IQSEC1: variants seen among roughly 807,000 people sequenced by gnomAD.
IQSEC1 encodes the protein IQ motif and Sec7 domain ArfGEF 1.
IQSEC1 carries 31 observed loss-of-function variants against 91.0 expected under a neutral mutation model. That is an observed-to-expected ratio of 0.34 (90% CI 0.26 to 0.46). The LOEUF is 0.46. IQSEC1 is among the 20% of genes least tolerant of loss of function. The pLI is 1.00. For synonymous variants in IQSEC1, 699 were observed against 662.6 expected (o/e 1.05, Z -0.84); for missense variants, 1,388 against 1,575.6 (o/e 0.88, Z 2.02).
intron 1 of IQSEC1, among the ~76,000 whole-genome samples, chr3:13,224,615 C>A (rs940590248): frequency 6.6e-6 from 1 of 152,254 alleles, no homozygotes; most frequent in East Asian, 1.9e-4. Context: ...TTCGACTTGA[C>A]GTTCAGTGCC....
intron 2 of IQSEC1, among the ~76,000 whole-genome samples, chr3:13,147,324 C>G (rs1321403814): frequency 6.7e-6 from 1 of 149,894 alleles, no homozygotes; most frequent in African/African-American, 2.5e-5. Flanking sequence ...CTCCCACCCT[C>G]CCTCTTCTGA....
intron 1 of IQSEC1, among the ~76,000 whole-genome samples, chr3:13,263,600 G>A (rs1290817147): frequency 1.9e-4 from 29 of 152,012 alleles, no homozygotes; most frequent in Admixed American, 1.3e-4. Context: ...GCGCCACCAC[G>A]CCCGACTAAT....
In IQSEC1 at chr3:12,909,912, C is replaced by T. The variant is rs777435832; in HGVS notation, c.2417-478G>A. Among the ~76,000 whole-genome samples, 5 of 152,198 alleles carry T rather than the reference C, an allele frequency of 3.3e-5. No homozygotes were observed. Among genetic ancestry groups the T allele is most frequent in the Admixed American group, 6.5e-5 (1 of 15,278 alleles). ...GGTCCCTGGGGCTTTGGTCTCCTGG[C>T]GGTGCTGCTCCGGCAGTGGGAGTCA... On this transcript the variant is annotated intron_variant, in intron 10 of 13. Coordinates refer to ENST00000613206, the MANE Select transcript of IQSEC1 (RefSeq NM_001134382.3). This position sits in a 1 kb window ranked among gnomAD's most constrained non-coding sequence, Gnocchi z 4.9.
intron 1 of IQSEC1, among the ~76,000 whole-genome samples, chr3:13,218,766 A>G (rs1230918563): frequency 6.6e-6 from 1 of 152,144 alleles, no homozygotes; most frequent in Non-Finnish European, 1.5e-5. Flanking sequence ...GGAGCCATTG[A>G]ACATTCTTGA....
At chr3:12,961,173 A>C (rs1700218755) in intron 1 of IQSEC1, among the ~76,000 whole-genome samples, 1 of 152,228 alleles carries the variant, frequency 6.6e-6, no homozygotes, top group South Asian at 2.1e-4. Context: ...CCCAGGTACC[A>C]CCAGGAAGCC....
At chr3:13,022,599 G>A (rs1025913282) in intron 1 of IQSEC1, 4 of 293,712 alleles carry the variant, frequency 1.4e-5, no homozygotes, top group East Asian at 3.5e-4. Context: ...AGAGGGAGGC[G>A]GGCGGGGAGG....
At chr3:13,229,908 T>C (rs4034195) in intron 1 of IQSEC1, among the ~76,000 whole-genome samples, 6 of 152,322 alleles carry the variant, frequency 3.9e-5, no homozygotes, top group South Asian at 4.1e-4. Flanking sequence ...AGAATAAAAA[T>C]AGCACTTATT....
intron 2 of IQSEC1, among the ~76,000 whole-genome samples, chr3:13,122,584 G>A (rs1300903050): frequency 6.6e-6 from 1 of 152,142 alleles, no homozygotes. Context: ...AGTGAGGTAG[G>A]GGCAGTGTGT....
Position 12,935,979 on chromosome 3 carries a change from C to T in IQSEC1, c.1037G>A (p.Arg346Gln), listed in dbSNP as rs202190518. Residue 346 changes from arginine (R) to glutamine (Q), a missense_variant, in exon 3 of 14, where the codon CGG becomes CAG. Arg to Gln is a conservative substitution (Grantham distance 43). Around this residue, in one of 2 missense-constraint regions of IQSEC1, gnomAD observed 1,059 missense variants for 1,317.8 expected, o/e 0.80. Coordinates refer to ENST00000613206, the MANE Select transcript of IQSEC1 (RefSeq NM_001134382.3). The surrounding 1 kb of genome is among the most constrained non-coding windows in gnomAD (Gnocchi z 8.0). The part of the protein sequence containing the change: ...EDKADTDTSC[R>Q]STPSLERQEQ... Reference sequence around the variant, plus strand: ...CTGCCGCTCCAGCGACGGCGTGCTCCGGCAGCTCGTGTCCGTGTCAGCCTT... The same window carrying T: ...CTGCCGCTCCAGCGACGGCGTGCTCTGGCAGCTCGTGTCCGTGTCAGCCTT... 292 of 1,599,372 alleles carry T rather than the reference C, an allele frequency of 1.8e-4. No homozygotes were observed. In the Admixed American group the frequency reaches 2.9e-3, roughly 16 times the overall value.
At chr3:13,177,673 T>A (rs545479146) in intron 1 of IQSEC1, among the ~76,000 whole-genome samples, 2 of 152,078 alleles carry the variant, frequency 1.3e-5, no homozygotes, top group African/African-American at 4.8e-5. Context: ...CTGATGTGGG[T>A]CCCCCGCCGG....
intron 1 of IQSEC1, among the ~76,000 whole-genome samples, chr3:12,986,618 T>G (rs1196290966): frequency 6.6e-6 from 1 of 152,162 alleles, no homozygotes; most frequent in African/African-American, 2.4e-5. Context: ...GGTCCTCTAC[T>G]GGCTGCGTCC....
At chr3:13,220,163 A>G (rs528910036) in intron 1 of IQSEC1, among the ~76,000 whole-genome samples, 1 of 152,224 alleles carries the variant, frequency 6.6e-6, no homozygotes, top group Non-Finnish European at 1.5e-5. Context: ...TGCAAACTCA[A>G]CTGCCTCCTG....
intron 1 of IQSEC1, among the ~76,000 whole-genome samples, chr3:13,208,292 A>G (rs1694379789): frequency 6.6e-6 from 1 of 151,786 alleles, no homozygotes; most frequent in Admixed American, 6.6e-5. Context: ...CCCACTCTAC[A>G]GAGAAAAGGA....
At chr3:13,005,164 T>C (rs1426981443) in intron 1 of IQSEC1, among the ~76,000 whole-genome samples, 1 of 152,216 alleles carries the variant, frequency 6.6e-6, no homozygotes, top group Non-Finnish European at 1.5e-5. Context: ...GTGGGGTTAA[T>C]ATGGCATGGG....
intron 12 of IQSEC1, among the ~76,000 whole-genome samples, chr3:12,903,767 G>A (rs1369407094): frequency 6.6e-6 from 1 of 152,084 alleles, no homozygotes; most frequent in Non-Finnish European, 1.5e-5. Context: ...ATGGGAAGAG[G>A]GAGAGAGAAA....
At chr3:13,279,463 A>G (rs1326636515) in intron 1 of IQSEC1, among the ~76,000 whole-genome samples, 1 of 152,218 alleles carries the variant, frequency 6.6e-6, no homozygotes, top group Admixed American at 6.5e-5. Flanking sequence ...GGCATGAAAG[A>G]GCACTCTCTG....
chr3:13,125,176 C>T (rs146688151), intron 2 of IQSEC1, among the ~76,000 whole-genome samples: 2 of 152,318 alleles, frequency 1.3e-5, no homozygotes, highest in African/African-American at 4.8e-5. Context: ...CTTCCACATC[C>T]TTAAACATGC....
intron 1 of IQSEC1, among the ~76,000 whole-genome samples, chr3:13,168,017 A>G (rs1693530906): frequency 6.6e-6 from 1 of 152,200 alleles, no homozygotes; most frequent in Admixed American, 6.5e-5. Flanking sequence ...TCCAGTTTCC[A>G]GGTTTAAGCC....
At chr3:12,920,196 C>G (rs1019802094) in intron 6 of IQSEC1, among the ~76,000 whole-genome samples, 1 of 152,234 alleles carries the variant, frequency 6.6e-6, no homozygotes, top group Non-Finnish European at 1.5e-5. Context: ...GGTTTCCCAA[C>G]ACCTCGAGAC....
Sources: gnomAD v4.1 joint callset for allele counts (sites outside exome capture counted in the v4.1 genomes callset) on GRCh38, gnomAD v4.1.1 for gene constraint, gnomAD v4.1.1 regional missense constraint, Gnocchi (gnomAD v3.1) non-coding constraint, MANE v1.5 for transcripts, NCBI Gene and HGNC (gene_info 2026-07-23, HGNC 2026-07-21) for gene names.